ZNF680: variants seen among roughly 807,000 people sequenced by gnomAD.
ZNF680 encodes the protein zinc finger protein 680.
In ZNF680, 6 loss-of-function variants were observed where a neutral mutation model predicts 12.1. That is an observed-to-expected ratio of 0.49 (90% CI 0.27 to 0.98). The LOEUF (loss-of-function observed/expected upper bound fraction) is 0.98. Ranked by LOEUF, ZNF680 falls within the 50% of genes least tolerant of loss-of-function variation. ZNF680 has a pLI of 0.12. For missense variants in ZNF680, 561 were observed against 616.3 expected, an observed-to-expected ratio of 0.91 and a Z score of 0.95; for synonymous variants, 170 against 199.3, an observed-to-expected ratio of 0.85 and a Z score of 1.24.
intron 1 of ZNF680, among the ~76,000 whole-genome samples, chr7:64,554,761 T>C (rs1440542756): frequency 6.6e-6 from 1 of 152,164 alleles, no homozygotes; most frequent in Non-Finnish European, 1.5e-5. Context: ...GTGCAAGATG[T>C]GCTTTGTTAA....
Position 64,542,900 on chromosome 7 carries a change from T to G in ZNF680, c.253+807A>C, listed in dbSNP as rs75075594. Among the ~76,000 whole-genome samples the G allele has an allele frequency of 0.031, 4,667 of 152,238 alleles. 358 individuals carry two copies. In the East Asian group the frequency reaches 0.33, roughly 11 times the overall value. On this transcript the variant is annotated intron_variant, in intron 3 of 3. Coordinates refer to ENST00000309683, the MANE Select transcript of ZNF680 (RefSeq NM_178558.5). ...TTTTAGTTGAGATGGGATTTCACCC[T>G]GATGGCCAGGCTGGTCTCAAACTCC...
chr7:64,554,233 C>T (rs1338411462), intron 1 of ZNF680, among the ~76,000 whole-genome samples: 16 of 150,840 alleles, frequency 1.1e-4, no homozygotes, highest in Non-Finnish European at 1.8e-4. Context: ...TCTGCCCGGC[C>T]GCGACCCCGT....
chr7:64,509,299 CT>C, the ZNF680 span, among the ~76,000 whole-genome samples: 5 of 152,116 alleles, frequency 3.3e-5, no homozygotes, highest in Non-Finnish European at 2.9e-5. Context: ...ATTGTTTTCC[CT>C]TTTATGTCTA....
At chr7:64,503,579 C>T in the ZNF680 span, among the ~76,000 whole-genome samples, 2 of 152,062 alleles carry the variant, frequency 1.3e-5, 1 homozygote, top group Non-Finnish European at 2.9e-5. Flanking sequence ...TGGGGTTTCA[C>T]CATGTTGGTC....
At chr7:64,549,482 T>G (rs995304028) in intron 1 of ZNF680, among the ~76,000 whole-genome samples, 1 of 152,190 alleles carries the variant, frequency 6.6e-6, no homozygotes, top group Non-Finnish European at 1.5e-5. Flanking sequence ...ATGCCTCCTG[T>G]TGGTTTTCTG....
At chr7:64,529,857 AAAGTT>A (rs1182092856) in intron 3 of ZNF680, among the ~76,000 whole-genome samples, 1 of 152,216 alleles carries the variant, frequency 6.6e-6, no homozygotes, top group African/African-American at 2.4e-5. Context: ...CAGGTTATCT[AAAGTT>A]AAGACAAGGA....
intron 1 of ZNF680, among the ~76,000 whole-genome samples, chr7:64,560,153 G>A (rs1447855207): frequency 7.4e-6 from 1 of 135,354 alleles, no homozygotes; most frequent in African/African-American, 2.8e-5. Context: ...TCACTCTTTC[G>A]CCCAGGCTGG....
chr7:64,522,529 C>T (rs770019249), intron 3 of ZNF680, 29 bp from the exon 4 acceptor site: 10 of 1,390,122 alleles, frequency 7.2e-6, no homozygotes, highest in Non-Finnish European at 9.4e-6. Flanking sequence ...ACAAATTACA[C>T]CACTTCCTAG....
At chr7:64,504,868 T>A in the ZNF680 span, among the ~76,000 whole-genome samples, 1 of 152,194 alleles carries the variant, frequency 6.6e-6, no homozygotes, top group African/African-American at 2.4e-5. Context: ...TAGTTTTATA[T>A]GATGATTTGT....
At chr7:64,507,399 G>A in the ZNF680 span, among the ~76,000 whole-genome samples, 14 of 150,296 alleles carry the variant, frequency 9.3e-5, no homozygotes, top group African/African-American at 3.4e-4. Context: ...ATAATATATT[G>A]TGTATAGTAA....
intron 1 of ZNF680, among the ~76,000 whole-genome samples, chr7:64,562,391 T>C (rs562552547): frequency 3.9e-5 from 6 of 152,332 alleles, no homozygotes; most frequent in African/African-American, 1.2e-4. Context: ...TAAGAAGTTA[T>C]GTAACTGTAC....
rs142402091 is a variant in ZNF680, at chr7:64,545,538, T to C, written c.31-1106A>G. Among the ~76,000 whole-genome samples, 306 of 152,310 alleles carry C rather than the reference T, an allele frequency of 2.0e-3. 1 individual carries two copies. Among genetic ancestry groups the C allele is most frequent in the African/African-American group, 6.5e-3 (269 of 41,582 alleles). ...GCACTAGGAACAAATTTTTATGATG[T>C]GCTGATGCACAAAGAACACAGCATC... On this transcript the variant is annotated intron_variant, in intron 1 of 3. Transcript: ENST00000309683.
chr7:64,519,775 G>A (rs1050142073), downstream of ZNF680: 1 of 151,710 alleles, frequency 6.6e-6, no homozygotes, highest in Non-Finnish European at 1.5e-5. Flanking sequence ...AACATCTCAT[G>A]ACCAAATAAC....
intron 3 of ZNF680, among the ~76,000 whole-genome samples, chr7:64,523,882 C>T (rs906240611): frequency 6.7e-6 from 1 of 150,252 alleles, no homozygotes; most frequent in Non-Finnish European, 1.5e-5. Flanking sequence ...CACTGCACTC[C>T]AGCCTGGGCG....
In ZNF680 at chr7:64,544,241, A is replaced by G. The variant is rs148957470; in HGVS notation, c.157+65T>C. 2.4e-4 allele frequency: 366 copies of G among 1,542,268 alleles called. 2 individuals are homozygous for G. In the African/African-American group the frequency reaches 4.3e-3, roughly 18 times the overall value. On this transcript the variant is annotated intron_variant, in intron 2 of 3. Coordinates refer to ENST00000309683, the MANE Select transcript of ZNF680 (RefSeq NM_178558.5). ...TGCAAAGCACAAATTACCACAAGTTATGCAAAAAAAGAGAAATAAAACCTT... is the reference window on the plus strand; with the variant it reads ...TGCAAAGCACAAATTACCACAAGTTGTGCAAAAAAAGAGAAATAAAACCTT...
At chr7:64,501,285 C>T in the ZNF680 span, 1 of 1,042,396 alleles carries the variant, frequency 9.6e-7, no homozygotes, top group South Asian at 1.3e-5. Context: ...CTGTAGTGCC[C>T]TCGAAACGTC....
chr7:64,544,495 G>A, intron 1 of ZNF680, 63 bp from the exon 2 acceptor site: 1 of 1,552,986 alleles, frequency 6.4e-7, no homozygotes, highest in Non-Finnish European at 8.7e-7. Context: ...AAATGACCAT[G>A]GGCAGAATTT....
At chr7:64,558,170 G>C (rs1389173967) in intron 1 of ZNF680, among the ~76,000 whole-genome samples, 1 of 152,114 alleles carries the variant, frequency 6.6e-6, no homozygotes, top group Non-Finnish European at 1.5e-5. Context: ...CAGAACCGTT[G>C]GTTGGTGGAG....
At chr7:64,551,338 T>C (rs1393470756) in intron 1 of ZNF680, among the ~76,000 whole-genome samples, 5 of 152,092 alleles carry the variant, frequency 3.3e-5, no homozygotes, top group Non-Finnish European at 7.4e-5. Flanking sequence ...TCCCCAAGCG[T>C]TGGACTACAG....
Sources: gnomAD v4.1 joint callset for allele counts (sites outside exome capture counted in the v4.1 genomes callset) on GRCh38, gnomAD v4.1.1 for gene constraint, MANE v1.5 for transcripts, NCBI Gene and HGNC (gene_info 2026-07-23, HGNC 2026-07-21) for gene names.